SYNRG: variants seen among roughly 807,000 people sequenced by gnomAD.
SYNRG encodes AP1 gamma subunit binding protein 1.
A neutral mutation model predicts 130.9 loss-of-function variants in SYNRG; 37 were observed. The observed-to-expected ratio is 0.28, with a 90% CI of 0.22 to 0.37. The LOEUF (loss-of-function observed/expected upper bound fraction) is 0.37, where lower values mean the gene tolerates loss of function less well. Ranked by LOEUF, SYNRG falls within the 10% of genes least tolerant of loss-of-function variation. SYNRG has a pLI of 1.00. For missense variants in SYNRG, 1,338 were observed against 1,588.9 expected (o/e 0.84, Z 2.68); for synonymous variants, 539 against 568.1 (o/e 0.95, Z 0.73).
At position 37,596,291 on chromosome 17, in the gene SYNRG, G is replaced by A; in HGVS notation, c.172C>T (p.Pro58Ser). ...QGFPMVSVMQ[P>S]NMQGIMGMNY... ...ATTCCCATAATGCCTTGCATATTAGGCTGCATGACAGAGACCATAGGAAAT... is the reference window on the plus strand; with the variant it reads ...ATTCCCATAATGCCTTGCATATTAGACTGCATGACAGAGACCATAGGAAAT... Residue 58 changes from proline (P) to serine (S), a missense_variant, in exon 3 of 22, where the codon CCT (proline) becomes TCT (serine). Physicochemically the swap from Pro to Ser is moderately conservative, Grantham distance 74. Around this residue, in one of 3 missense-constraint regions of SYNRG, gnomAD observed 184 missense variants for 217.2 expected, o/e 0.85. Coordinates refer to ENST00000612223, the MANE Select transcript of SYNRG (RefSeq NM_007247.6). The A allele has an allele frequency of 6.2e-7, 1 of 1,614,116 alleles. No individual in the cohort carries two copies. The highest frequency in any genetic ancestry group is 8.5e-7 in the Non-Finnish European group (1 of 1,179,982).
At chr17:37,548,932 C>T (rs1398610705) in intron 14 of SYNRG, among the ~76,000 whole-genome samples, 9 of 150,774 alleles carry the variant, frequency 6.0e-5, no homozygotes, top group Non-Finnish European at 1.3e-4. Context: ...GTCAGGAGTT[C>T]GAGACCAGCC....
At chr17:37,549,361 T>C (rs1360170303) in intron 14 of SYNRG, among the ~76,000 whole-genome samples, 2 of 152,142 alleles carry the variant, frequency 1.3e-5, no homozygotes, top group Admixed American at 6.5e-5. Flanking sequence ...GAGAAAATAT[T>C]TTCCATGTTT....
intron 11 of SYNRG, among the ~76,000 whole-genome samples, chr17:37,566,654 A>T (rs1474486998): frequency 6.6e-6 from 1 of 152,102 alleles, no homozygotes; most frequent in Non-Finnish European, 1.5e-5. Context: ...TAAAAAAAAA[A>T]GTATCATATA....
intron 19 of SYNRG, among the ~76,000 whole-genome samples, chr17:37,533,787 G>A (rs907709928): frequency 1.3e-5 from 2 of 150,736 alleles, no homozygotes; most frequent in African/African-American, 4.9e-5. Context: ...GGGTTGGTCA[G>A]GCTGGTTTCG....
chr17:37,600,174 C>T (rs2063143760), intron 2 of SYNRG, among the ~76,000 whole-genome samples, 189 bp downstream of exon 2: 1 of 152,218 alleles, frequency 6.6e-6, no homozygotes, highest in South Asian at 2.1e-4. Flanking sequence ...ATCCTTATTA[C>T]TCCCAAAATT....
chr17:37,551,369 G>A (rs1218066960), intron 14 of SYNRG, among the ~76,000 whole-genome samples: 1 of 152,176 alleles, frequency 6.6e-6, no homozygotes, highest in Non-Finnish European at 1.5e-5. Context: ...TTTCTGACAG[G>A]AGGTTTACAG....
chr17:37,554,523 A>G (rs2058956338), intron 13 of SYNRG, among the ~76,000 whole-genome samples: 1 of 152,238 alleles, frequency 6.6e-6, no homozygotes, highest in Non-Finnish European at 1.5e-5. Flanking sequence ...ATTATGAAAA[A>G]TCCTACATCT....
intron 3 of SYNRG, among the ~76,000 whole-genome samples, chr17:37,590,439 A>G (rs1157732993): frequency 6.6e-6 from 1 of 152,234 alleles, no homozygotes; most frequent in Non-Finnish European, 1.5e-5. Flanking sequence ...GCAAAACATT[A>G]GAAGCAATTT....
At chr17:37,579,677 C>A (rs1351799244) in intron 6 of SYNRG, among the ~76,000 whole-genome samples, 1 of 151,868 alleles carries the variant, frequency 6.6e-6, no homozygotes, top group Non-Finnish European at 1.5e-5. Flanking sequence ...GTATTTGGTT[C>A]AAAAAAGGTA....
chr17:37,601,207 A>G (rs1301786002), intron 1 of SYNRG, among the ~76,000 whole-genome samples: 1 of 152,048 alleles, frequency 6.6e-6, no homozygotes, highest in African/African-American at 2.4e-5. Context: ...AGCTGGGATT[A>G]CAGGCACCCG....
intron 1 of SYNRG, 128 bp from the exon 2 acceptor site, chr17:37,600,531 A>ATGTTGGGCAATTCAGT: frequency 3.3e-6 from 3 of 896,478 alleles, no homozygotes; most frequent in Non-Finnish European, 5.5e-6. Context: ...CACAATACTG[A>ATGTTGGGCAATTCAGT]ATTGCCCAAC....
chr17:37,570,758 G>C lies in SYNRG; in HGVS notation c.1226C>G (p.Pro409Arg). The change falls in exon 10 of 22, where the codon CCT becomes CGT. Residue 409 changes from proline to arginine, a missense_variant. By Grantham distance (103) the Pro-to-Arg change is moderately radical. Transcript: ENST00000612223. ...VSQPTVIPSG[P>R]AGSMPLSLGQ... Reference sequence around the variant, plus strand: ...AAGGCTGAGGGGCATGGAGCCCGCAGGACCTGAAGGTATCACAGTTGGCTG... The same window carrying C: ...AAGGCTGAGGGGCATGGAGCCCGCACGACCTGAAGGTATCACAGTTGGCTG... 1 of 1,614,226 alleles carries C rather than the reference G, an allele frequency of 6.2e-7. No individual in the cohort carries two copies. The highest frequency in any genetic ancestry group is 1.3e-5 in the African/African-American group (1 of 75,052).
intron 19 of SYNRG, among the ~76,000 whole-genome samples, chr17:37,534,060 G>C (rs2056952759): frequency 6.9e-6 from 1 of 144,668 alleles, no homozygotes; most frequent in South Asian, 2.2e-4. Context: ...TCAGCCTCCT[G>C]AGTAGTGGGG....
intron 11 of SYNRG, among the ~76,000 whole-genome samples, chr17:37,564,805 A>G (rs1363103492): frequency 6.6e-6 from 1 of 152,264 alleles, no homozygotes; most frequent in Non-Finnish European, 1.5e-5. Context: ...ACGTTATCAG[A>G]TAATTTAAAT....
intron 19 of SYNRG, among the ~76,000 whole-genome samples, chr17:37,532,497 A>G (rs1444500421): frequency 1.3e-5 from 2 of 151,952 alleles, no homozygotes; most frequent in Non-Finnish European, 2.9e-5. Flanking sequence ...ACAGGGTGAA[A>G]CCCTGTCTCT....
chr17:37,554,201 C>A (rs2058928464), intron 13 of SYNRG, 142 bp from the exon 14 acceptor site: 5 of 700,040 alleles, frequency 7.1e-6, no homozygotes, highest in Non-Finnish European at 6.8e-6. Flanking sequence ...ATACTTTAAA[C>A]CCTATCGAAC....
intron 13 of SYNRG, among the ~76,000 whole-genome samples, chr17:37,556,594 C>T (rs1423975045): frequency 2.7e-5 from 4 of 149,038 alleles, no homozygotes; most frequent in African/African-American, 9.8e-5. Flanking sequence ...TTCCTCCTAA[C>T]CTGAGATAGT....
intron 14 of SYNRG, among the ~76,000 whole-genome samples, chr17:37,543,594 AT>A (rs1193424443): frequency 1.3e-5 from 2 of 152,230 alleles, no homozygotes; most frequent in African/African-American, 4.8e-5. Flanking sequence ...TGTTATGACC[AT>A]CAACCATGAT....
intron 19 of SYNRG, among the ~76,000 whole-genome samples, chr17:37,525,901 G>A (rs560441634): frequency 6.6e-6 from 1 of 152,234 alleles, no homozygotes; most frequent in Non-Finnish European, 1.5e-5. Flanking sequence ...AGGAGGTGGA[G>A]GTTGAAGTGA....
Sources: gnomAD v4.1 joint callset for allele counts (sites outside exome capture counted in the v4.1 genomes callset) on GRCh38, gnomAD v4.1.1 for gene constraint, gnomAD v4.1.1 regional missense constraint, MANE v1.5 for transcripts, NCBI Gene and HGNC (gene_info 2026-07-23, HGNC 2026-07-21) for gene names.